The following EIF2B3 variants were observed in gnomAD, a reference collection of about 807,000 sequenced individuals.
EIF2B3 encodes the protein translation initiation factor eIF2B subunit gamma.
A neutral mutation model predicts 54.1 loss-of-function variants in EIF2B3; 20 were observed. That is an observed-to-expected ratio of 0.37 (90% CI 0.26 to 0.54). The LOEUF is 0.54. Ranked by LOEUF, EIF2B3 falls within the 20% of genes least tolerant of loss-of-function variation. The pLI, the probability that EIF2B3 is intolerant of heterozygous loss-of-function variation, is 0.86. For synonymous variants in EIF2B3, 153 were observed against 188.1 expected (o/e 0.81, Z 1.52); for missense variants, 448 against 547.8 (o/e 0.82, Z 1.82).
At chr1:44,924,442 G>T (rs189952047) in intron 5 of EIF2B3, among the ~76,000 whole-genome samples, 1 of 151,208 alleles carries the variant, frequency 6.6e-6, no homozygotes, top group East Asian at 2.0e-4. Context: ...TCACTCTGTC[G>T]CCCAGCGCAA....
chr1:44,878,603 G>A (rs1042849358), intron 8 of EIF2B3, among the ~76,000 whole-genome samples: 3 of 151,254 alleles, frequency 2.0e-5, no homozygotes, highest in South Asian at 2.1e-4. Flanking sequence ...ATTATTCTGC[G>A]CTCCACTGCC....
intron 5 of EIF2B3, among the ~76,000 whole-genome samples, chr1:44,909,934 C>G (rs1557680978): frequency 6.6e-6 from 1 of 152,168 alleles, no homozygotes; most frequent in Non-Finnish European, 1.5e-5. Flanking sequence ...TGGCCATGAT[C>G]TTTGAGGTCT....
chr1:44,938,377 T>C (rs898105578), intron 4 of EIF2B3, among the ~76,000 whole-genome samples: 5 of 152,160 alleles, frequency 3.3e-5, no homozygotes, highest in Admixed American at 6.5e-5. Flanking sequence ...ACAGGAGTGA[T>C]GGCTGGTACC....
chr1:44,870,809 C>T (rs142968213), intron 10 of EIF2B3, among the ~76,000 whole-genome samples: 7,419 of 152,120 alleles, frequency 0.049, 233 homozygotes, highest in Middle Eastern at 0.082. Flanking sequence ...TGTGCCACCA[C>T]GCCCAGCTAA....
At chr1:44,896,801 T>C (rs1015716304) in intron 6 of EIF2B3, among the ~76,000 whole-genome samples, 4 of 152,210 alleles carry the variant, frequency 2.6e-5, no homozygotes, top group Non-Finnish European at 5.9e-5. Flanking sequence ...TGGAAACTAT[T>C]TAAGTCCTAC....
chr1:44,870,773 C>T (rs1379651876), intron 10 of EIF2B3, among the ~76,000 whole-genome samples: 1 of 152,038 alleles, frequency 6.6e-6, no homozygotes, highest in Non-Finnish European at 1.5e-5. Context: ...CTGCCTTAGC[C>T]TCCCGAGTAG....
rs1358287073 is a variant in EIF2B3 at position 44,850,664 on chromosome 1, T to C, written c.*287A>G. The stretch of plus-strand genomic sequence containing the variant: ...AAGTAGCCTTCCTAGGAGCTTTACA[T>C]TGGACAGCTGCTGCCCCACCGATAC... On this transcript the variant is annotated 3_prime_UTR_variant, in exon 12 of 12. Transcript: ENST00000360403. 19 of 494,676 alleles carry C rather than the reference T, an allele frequency of 3.8e-5. No homozygotes were observed. Among genetic ancestry groups the C allele is most frequent in the South Asian group, 1.7e-4 (7 of 41,452 alleles). The allele number at this position is 494,676 out of a possible 1,614,324, so 30.6% of individuals were successfully genotyped here. A position where few individuals can be genotyped will look rare whatever the true frequency, so the allele number is the denominator to read the frequency against.
At chr1:44,931,542 C>G (rs1280926557) in intron 4 of EIF2B3, among the ~76,000 whole-genome samples, 1 of 152,244 alleles carries the variant, frequency 6.6e-6, no homozygotes, top group Non-Finnish European at 1.5e-5. Context: ...AAACTGCCAA[C>G]CTACAGACTC....
intron 4 of EIF2B3, among the ~76,000 whole-genome samples, chr1:44,937,046 G>A (rs1032056080): frequency 1.3e-5 from 2 of 152,154 alleles, no homozygotes; most frequent in Admixed American, 1.3e-4. Flanking sequence ...CAATCATGGT[G>A]CAGTGCTGGG....
chr1:44,978,615 TA>T (rs1644478571), intron 2 of EIF2B3, among the ~76,000 whole-genome samples, 155 bp from the exon 3 acceptor site: 1 of 130,476 alleles, frequency 7.7e-6, no homozygotes, highest in African/African-American at 2.9e-5. Flanking sequence ...ATTCCCCCAA[TA>T]AATTCTTTTT....
At chr1:44,911,576 C>T (rs1299163117) in intron 5 of EIF2B3, among the ~76,000 whole-genome samples, 1 of 152,230 alleles carries the variant, frequency 6.6e-6, no homozygotes, top group Non-Finnish European at 1.5e-5. Flanking sequence ...GTTACTAACA[C>T]TCCATTGTAT....
chr1:44,934,132 T>C (rs1643921652), intron 4 of EIF2B3, among the ~76,000 whole-genome samples: 1 of 151,614 alleles, frequency 6.6e-6, no homozygotes, highest in Non-Finnish European at 1.5e-5. Context: ...GCACAGTGGC[T>C]CACACCTGTA....
chr1:44,892,498 T>G (rs894837999), intron 6 of EIF2B3, among the ~76,000 whole-genome samples: 4 of 151,942 alleles, frequency 2.6e-5, no homozygotes, highest in Admixed American at 2.6e-4. Flanking sequence ...GAGGATCACT[T>G]AAGCCCAGGA....
intron 6 of EIF2B3, among the ~76,000 whole-genome samples, chr1:44,891,777 T>C (rs1196456525): frequency 1.3e-5 from 2 of 152,206 alleles, no homozygotes; most frequent in Admixed American, 6.5e-5. Context: ...GTAAAGACAG[T>C]TATATGTACT....
chr1:44,874,094 T>C (rs1655047548), intron 10 of EIF2B3, among the ~76,000 whole-genome samples: 1 of 150,160 alleles, frequency 6.7e-6, no homozygotes, highest in Non-Finnish European at 1.5e-5. Context: ...TGCTCAAAAG[T>C]TTCGGATTTT....
chr1:44,857,666 G>T, intron 11 of EIF2B3, 38 bp downstream of exon 11: 1 of 1,590,532 alleles, frequency 6.3e-7, no homozygotes, highest in Non-Finnish European at 8.6e-7. Context: ...GCTGGTGTGA[G>T]AAGTAAAAAT....
chr1:44,937,110 T>C (rs1168176187), intron 4 of EIF2B3: 2 of 152,214 alleles, frequency 1.3e-5, no homozygotes, highest in Non-Finnish European at 2.9e-5. Context: ...ATAGACAATG[T>C]AGTCAGTATC....
intron 3 of EIF2B3, among the ~76,000 whole-genome samples, chr1:44,972,844 T>C (rs1403663080): frequency 1.3e-5 from 2 of 151,926 alleles, no homozygotes; most frequent in African/African-American, 4.8e-5. Context: ...TTTTTGTATT[T>C]TGGGGGCAAT....
chr1:44,900,021 T>C (rs544331283), intron 5 of EIF2B3, among the ~76,000 whole-genome samples: 1 of 152,314 alleles, frequency 6.6e-6, no homozygotes, highest in Non-Finnish European at 1.5e-5. Context: ...AACAAAATCA[T>C]GTCCTTTGCA....
Sources: allele counts gnomAD v4.1 joint callset (sites outside exome capture counted in the v4.1 genomes callset), GRCh38; gene constraint gnomAD v4.1.1; transcripts MANE v1.5; gene names NCBI Gene and HGNC (gene_info 2026-07-23, HGNC 2026-07-21).